PARD6G: variants seen among roughly 807,000 people sequenced by gnomAD.
PARD6G encodes par-6 family cell polarity regulator gamma.
A neutral mutation model predicts 10.7 loss-of-function variants in PARD6G; 7 were observed. The ratio of observed to expected loss-of-function variants is 0.66; its 90% CI spans 0.37 to 1.23. The LOEUF is 1.23. PARD6G is among the 50% of genes most tolerant of loss of function. The pLI, the probability that PARD6G is intolerant of heterozygous loss-of-function variation, is 0.02. For synonymous variants in PARD6G, 287 were observed against 269.4 expected, an observed-to-expected ratio of 1.07 and a Z score of -0.64; for missense variants, 548 against 571.8, an observed-to-expected ratio of 0.96 and a Z score of 0.42.
chr18:80,216,636 G>A (rs1047625614), intron 1 of PARD6G, among the ~76,000 whole-genome samples: 1 of 152,018 alleles, frequency 6.6e-6, no homozygotes, highest in African/African-American at 2.4e-5. Context: ...AAAAGGAAAT[G>A]TACAGCTGTA....
At chr18:80,199,577 C>T (rs1966990377) in intron 2 of PARD6G, among the ~76,000 whole-genome samples, 1 of 152,192 alleles carries the variant, frequency 6.6e-6, no homozygotes, top group Non-Finnish European at 1.5e-5. Flanking sequence ...TAAAGGAATG[C>T]TGTTCTGTAG....
chr18:80,160,056 C>T lies in PARD6G; in HGVS notation c.846G>A (p.Pro282=), dbSNP rs761643537. 1.8e-5 allele frequency: 28 copies of T among 1,549,992 alleles called. 1 individual carries two copies. In the South Asian group the frequency reaches 2.5e-4, roughly 14 times the overall value. Residue 282 remains proline (P), a synonymous_variant, in exon 3 of 3, where the codon CCG becomes CCA. Coordinates refer to ENST00000353265, the MANE Select transcript of PARD6G (RefSeq NM_032510.4). ...GTAGFVGPPA[P]RVLQNFHPDE... is the part of the protein sequence containing the mutation. ...CGGGGTGGAAGTTCTGCAGGACGCGCGGGGCGGGGGGACCCACGAAGCCCG... is the reference window on the plus strand; with the variant it reads ...CGGGGTGGAAGTTCTGCAGGACGCGTGGGGCGGGGGGACCCACGAAGCCCG...
At chr18:80,213,201 TACC>T (rs931995464) in intron 1 of PARD6G, among the ~76,000 whole-genome samples, 65 of 152,312 alleles carry the variant, frequency 4.3e-4, no homozygotes, top group African/African-American at 1.5e-3. Flanking sequence ...ACGTCTATTT[TACC>T]ACAATTTTTA....
intron 1 of PARD6G, among the ~76,000 whole-genome samples, chr18:80,213,250 TC>T (rs1164300675): frequency 1.3e-5 from 2 of 152,180 alleles, no homozygotes; most frequent in Admixed American, 6.5e-5. Context: ...AGTGAGCTGT[TC>T]AAAGAAGGCT....
At chr18:80,195,572 T>TATATATATATATATATATATAC (rs894731117) in intron 2 of PARD6G, among the ~76,000 whole-genome samples, 87 of 87,274 alleles carry the variant, frequency 1.0e-3, no homozygotes, top group Non-Finnish European at 1.2e-3. Flanking sequence ...TATATATATA[T>TATATATATATATATATATATAC]ACACACATTT....
intron 2 of PARD6G, chr18:80,162,126 G>C (rs2052704522): frequency 6.6e-6 from 1 of 152,224 alleles, no homozygotes; most frequent in Non-Finnish European, 1.5e-5. Context: ...CCCAGCATGA[G>C]GACTGTCTTC....
rs570160851 is a variant in PARD6G at position 80,189,165 on chromosome 18, G to A, written c.295+13545C>T. The A allele has an allele frequency of 9.2e-5, 14 of 152,338 alleles. No homozygotes were observed. The highest frequency in any genetic ancestry group is 4.6e-4 in the Admixed American group (7 of 15,302). The allele number at this position is 152,338 out of a possible 1,614,324, so 9.4% of individuals were successfully genotyped here. On this transcript the variant is annotated intron_variant, in intron 2 of 2. Coordinates refer to ENST00000353265, the MANE Select transcript of PARD6G (RefSeq NM_032510.4). This position sits in a 1 kb window ranked among gnomAD's most constrained non-coding sequence, Gnocchi z 5.5. ...GTAATTGAAACAACCAGAAATAACCGTTGGCAGAAAAGCCCATATTTAGAG... is the reference window on the plus strand; with the variant it reads ...GTAATTGAAACAACCAGAAATAACCATTGGCAGAAAAGCCCATATTTAGAG...
chr18:80,192,202 G>A lies in PARD6G; in HGVS notation c.295+10508C>T, dbSNP rs1295434451. On this transcript the variant is annotated intron_variant, in intron 2 of 2. Coordinates refer to ENST00000353265, the MANE Select transcript of PARD6G (RefSeq NM_032510.4). The surrounding 1 kb of genome is among the most constrained non-coding windows in gnomAD (Gnocchi z 4.9). Reference sequence around the variant, plus strand: ...GACATGATATGACAGTGACCCCTTCGTTCATTCCTGAGAAGCAAGAACATC... The same window carrying A: ...GACATGATATGACAGTGACCCCTTCATTCATTCCTGAGAAGCAAGAACATC... 2.6e-5 allele frequency among the ~76,000 whole-genome samples: 4 copies of A among 152,200 alleles called. No individual in the cohort carries two copies. The highest frequency in any genetic ancestry group is 2.1e-4 in the South Asian group (1 of 4,832).
At position 80,201,623 on chromosome 18, in the gene PARD6G, C is replaced by T. The variant is rs984250554; in HGVS notation, c.295+1087G>A. On this transcript the variant is annotated intron_variant, in intron 2 of 2. Coordinates refer to ENST00000353265, the MANE Select transcript of PARD6G (RefSeq NM_032510.4). This position sits in a 1 kb window ranked among gnomAD's most constrained non-coding sequence, Gnocchi z 5.9. ...GAGAATCTGTCTGAAGTGAGGTCAA[C>T]GAGTCTCCTGCCGTTCCCTTCATCA... is the stretch of plus-strand genomic sequence containing the variant. 6.6e-6 allele frequency among the ~76,000 whole-genome samples: 1 copy of T among 152,218 alleles called. No homozygotes were observed.
rs879753542 is a variant in PARD6G, at chr18:80,180,314, G to A, written c.296-19708C>T. Among the ~76,000 whole-genome samples, 15 of 152,344 alleles carry A rather than the reference G, an allele frequency of 9.8e-5. No homozygotes were observed. Among genetic ancestry groups the A allele is most frequent in the East Asian group, 3.9e-4 (2 of 5,180 alleles). Reference sequence around the variant, plus strand: ...TCCTGTCAGGAGAGGCAGGCAGGGCGTGGGCAGCGACAGCTGGGGCCGGCA... The same window carrying A: ...TCCTGTCAGGAGAGGCAGGCAGGGCATGGGCAGCGACAGCTGGGGCCGGCA... On this transcript the variant is annotated intron_variant, in intron 2 of 2. Coordinates refer to ENST00000353265, the MANE Select transcript of PARD6G (RefSeq NM_032510.4). The surrounding 1 kb of genome is among the most constrained non-coding windows in gnomAD (Gnocchi z 5.6).
chr18:80,197,073 C>A (rs1333918491), intron 2 of PARD6G, among the ~76,000 whole-genome samples: 2 of 152,100 alleles, frequency 1.3e-5, no homozygotes, highest in Non-Finnish European at 2.9e-5. Context: ...CAAAAATATA[C>A]CTCTTCCCTG....
At chr18:80,177,216 G>GCACACACACACA (rs1491357384) in intron 2 of PARD6G, among the ~76,000 whole-genome samples, 2 of 48,134 alleles carry the variant, frequency 4.2e-5, no homozygotes, top group African/African-American at 3.8e-4. Flanking sequence ...TAAATGGGAA[G>GCACACACACACA]CGCACACACA....
intron 2 of PARD6G, among the ~76,000 whole-genome samples, chr18:80,195,554 T>TATATATATATATATATATAC (rs1966944859): frequency 2.3e-5 from 2 of 86,650 alleles, no homozygotes; most frequent in Non-Finnish European, 4.5e-5. Flanking sequence ...GATACATATA[T>TATATATATATATATATATAC]ATATATATAT....
chr18:80,177,203 G>A (rs531406465), intron 2 of PARD6G, among the ~76,000 whole-genome samples: 2 of 104,018 alleles, frequency 1.9e-5, no homozygotes, highest in East Asian at 3.0e-4. Context: ...ATAAATCACA[G>A]CCTAAATGGG....
At chr18:80,186,527 T>C (rs113570947) in intron 2 of PARD6G, among the ~76,000 whole-genome samples, 110 of 128,348 alleles carry the variant, frequency 8.6e-4, no homozygotes, top group African/African-American at 2.9e-3. Context: ...CATGCATGCA[T>C]CCTCACACAC....
chr18:80,182,542 A>G lies in PARD6G; in HGVS notation c.295+20168T>C, dbSNP rs1335628389. 6.6e-6 allele frequency among the ~76,000 whole-genome samples: 1 copy of G among 152,258 alleles called. No homozygotes were observed. The highest frequency in any genetic ancestry group is 2.4e-5 in the African/African-American group (1 of 41,466). The stretch of plus-strand genomic sequence containing the variant: ...CTCAACTGTGAATGCATTTCCCATA[A>G]CATCTGAAAATGTACACTAAAAATC... On this transcript the variant is annotated intron_variant, in intron 2 of 2. Coordinates refer to ENST00000353265, the MANE Select transcript of PARD6G (RefSeq NM_032510.4). This position sits in a 1 kb window ranked among gnomAD's most constrained non-coding sequence, Gnocchi z 4.5.
At position 80,202,800 on chromosome 18, in the gene PARD6G, C is replaced by T. The variant is rs1967020786; in HGVS notation, c.205G>A (p.Gly69Arg). 4 of 1,614,020 alleles carry T rather than the reference C, an allele frequency of 2.5e-6. No homozygotes were observed. The highest frequency in any genetic ancestry group is 3.4e-6 in the Non-Finnish European group (4 of 1,180,004). ...TCATTGTTGATGGGCAGCAGGTCTC[C>T]GTGCACATCTGCATAGCCAATAGTT... is the stretch of plus-strand genomic sequence containing the variant. The part of the protein sequence containing the change: ...DVTIGYADVH[G>R]DLLPINNDDN... Residue 69 changes from glycine to arginine, a missense_variant, in exon 2 of 3, where the codon GGA (glycine) becomes AGA (arginine). Gly to Arg is a moderately radical substitution (Grantham distance 125). Around this residue, in one of 2 missense-constraint regions of PARD6G, gnomAD observed 235 missense variants for 291.9 expected, o/e 0.81. Transcript: ENST00000353265.
intron 1 of PARD6G, among the ~76,000 whole-genome samples, chr18:80,243,140 T>C (rs1444178504): frequency 6.6e-6 from 1 of 152,194 alleles, no homozygotes; most frequent in Non-Finnish European, 1.5e-5. Context: ...ATATTCTATA[T>C]ATAATCTTTA....
At chr18:80,166,155 G>A (rs1428477810) in intron 2 of PARD6G, among the ~76,000 whole-genome samples, 2 of 152,036 alleles carry the variant, frequency 1.3e-5, no homozygotes, top group East Asian at 3.9e-4. Flanking sequence ...GTAAACAAAT[G>A]TGACTGTTCC....
Sources: allele counts gnomAD v4.1 joint callset (sites outside exome capture counted in the v4.1 genomes callset), GRCh38; gene constraint gnomAD v4.1.1; regional missense constraint gnomAD v4.1.1; non-coding constraint Gnocchi (gnomAD v3.1); transcripts MANE v1.5; gene names NCBI Gene and HGNC (gene_info 2026-07-23, HGNC 2026-07-21).